MNS1: variants seen among roughly 807,000 people sequenced by gnomAD.
MNS1 encodes the protein meiosis-specific nuclear structural protein 1.
In MNS1, 63 loss-of-function variants were observed where a neutral mutation model predicts 72.0. That is an observed-to-expected ratio of 0.87 (90% CI 0.71 to 1.08). The LOEUF (loss-of-function observed/expected upper bound fraction) is 1.08, where lower values mean the gene tolerates loss of function less well. Ranked by LOEUF, MNS1 falls within the 50% of genes least tolerant of loss-of-function variation. The pLI is 0.00. For missense variants in MNS1, 604 were observed against 562.4 expected, an observed-to-expected ratio of 1.07 and a Z score of -0.75; for synonymous variants, 188 against 172.1, an observed-to-expected ratio of 1.09 and a Z score of -0.72.
intron 4 of MNS1, 88 bp from the exon 5 acceptor site, chr15:56,444,761 A>G: frequency 2.6e-6 from 3 of 1,134,748 alleles, no homozygotes; most frequent in Non-Finnish European, 3.8e-6. Flanking sequence ...TGAATATTAT[A>G]AAGTCTTTTA....
At position 56,443,878 on chromosome 15, in the gene MNS1, A is replaced by T. The variant is rs757859845; in HGVS notation, c.687-24T>A. On this transcript the variant is annotated intron_variant, in intron 5 of 9. Transcript: ENST00000260453. ...CCCTGAAAAGCAATAACAAGTACAG[A>T]TTTATAGTAAACAATAAAATATAAA... 5 of 1,485,404 alleles carry T rather than the reference A, an allele frequency of 3.4e-6. No individual in the cohort carries two copies. The Admixed American group carries it at 1.1e-4, about 32-fold the overall frequency. 92.0% of individuals were successfully genotyped at this position (1,485,404 alleles called of 1,614,324 possible).
chr15:56,430,795 T>G (rs2050569060), intron 9 of MNS1, among the ~76,000 whole-genome samples: 2 of 152,224 alleles, frequency 1.3e-5, no homozygotes, highest in Non-Finnish European at 2.9e-5. Context: ...ATACACATTC[T>G]CATCTTTGGC....
intron 2 of MNS1, among the ~76,000 whole-genome samples, chr15:56,459,848 G>T (rs1428464375): frequency 6.6e-6 from 1 of 150,392 alleles, no homozygotes; most frequent in African/African-American, 2.5e-5. Context: ...GAATTAGCTG[G>T]GTGTGGTGGT....
At chr15:56,453,761 TA>T (rs1458097816) in intron 3 of MNS1, among the ~76,000 whole-genome samples, 19 of 152,320 alleles carry the variant, frequency 1.2e-4, no homozygotes, top group Admixed American at 2.6e-4. Context: ...ATCTTTTAAG[TA>T]CTTTCTTGGA....
At chr15:56,436,314 G>A (rs138111273) in intron 7 of MNS1, among the ~76,000 whole-genome samples, 36 of 152,228 alleles carry the variant, frequency 2.4e-4, no homozygotes, top group African/African-American at 8.4e-4. Context: ...ACTCAAAACC[G>A]CTCAGCTACA....
chr15:56,456,441 A>T lies in MNS1; in HGVS notation c.306T>A (p.His102Gln). ...TCATCTTTTCGTCCTTTAGACTTTC[A>T]TGTTTCAGTTTTGCCAATTCCATAG... ...KLAMELAKLK[H>Q]ESLKDEKMRQ... Residue 102 changes from histidine to glutamine, a missense_variant, in exon 3 of 10, where the codon CAT becomes CAA. Coordinates refer to ENST00000260453, the MANE Select transcript of MNS1 (RefSeq NM_018365.4). The T allele has an allele frequency of 2.5e-6, 4 of 1,611,934 alleles. No individual in the cohort carries two copies. The highest frequency in any genetic ancestry group is 3.4e-6 in the Non-Finnish European group (4 of 1,179,374).
rs144465957 is a variant in MNS1, at chr15:56,456,527, C to G, written c.226-6G>C. 1 of 1,604,670 alleles carries G rather than the reference C, an allele frequency of 6.2e-7. No homozygotes were observed. The highest frequency in any genetic ancestry group is 2.2e-5 in the East Asian group (1 of 44,468). ...AATCTCTTGTTTTCTTCTGCCTGAACGAAAAATTTAACTTCGTTGTTTGTC... is the reference window on the plus strand; with the variant it reads ...AATCTCTTGTTTTCTTCTGCCTGAAGGAAAAATTTAACTTCGTTGTTTGTC... On this transcript the variant is annotated splice_region_variant and splice_polypyrimidine_tract_variant and intron_variant, in intron 2 of 9. Coordinates refer to ENST00000260453, the MANE Select transcript of MNS1 (RefSeq NM_018365.4).
At chr15:56,453,258 T>C (rs984667383) in intron 3 of MNS1, among the ~76,000 whole-genome samples, 1 of 152,210 alleles carries the variant, frequency 6.6e-6, no homozygotes. Context: ...AAATTTACTA[T>C]ACATGTACCT....
rs549395315 is a variant in MNS1, at chr15:56,444,524, C to CTTTTTT, written c.600_605dup (p.Lys201_Lys202dup). On this transcript the variant is annotated inframe_insertion, in exon 5 of 10. Coordinates refer to ENST00000260453, the MANE Select transcript of MNS1 (RefSeq NM_018365.4). ...TTAGCAGCTGCTCATAAGCTTCCTG[C>CTTTTTT]TTTTTTTTTTCTTGTTCTTCAAGTT... 4 of 1,511,608 alleles carry CTTTTTT rather than the reference C, an allele frequency of 2.6e-6. No individual in the cohort carries two copies. Among genetic ancestry groups the CTTTTTT allele is most frequent in the Non-Finnish European group, 1.8e-6 (2 of 1,105,138 alleles). 93.6% of individuals were successfully genotyped at this position (1,511,608 alleles called of 1,614,324 possible).
chr15:56,431,232 G>C (rs185174237), intron 9 of MNS1, 141 bp downstream of exon 9: 7 of 867,640 alleles, frequency 8.1e-6, no homozygotes, highest in Admixed American at 8.0e-5. Flanking sequence ...GAGAGGTTCA[G>C]TGCCTGGACA....
chr15:56,462,881 G>A (rs1239435926), intron 2 of MNS1, among the ~76,000 whole-genome samples: 3 of 151,916 alleles, frequency 2.0e-5, no homozygotes, highest in African/African-American at 4.8e-5. Flanking sequence ...TGATACCTGG[G>A]ATATTCTTTC....
chr15:56,447,224 C>T (rs907635197), intron 3 of MNS1: 4 of 222,526 alleles, frequency 1.8e-5, no homozygotes, highest in Admixed American at 1.0e-4. Context: ...AATTATAATA[C>T]GTCTACATAT....
chr15:56,429,254 T>TA (rs2050484970), intron 9 of MNS1, 61 bp from the exon 10 acceptor site: 1 of 1,069,514 alleles, frequency 9.4e-7, no homozygotes, highest in African/African-American at 1.6e-5. Flanking sequence ...TAAATGCTTT[T>TA]AAGACTGACA....
chr15:56,443,969 CAACA>C, intron 5 of MNS1, 115 bp from the exon 6 acceptor site: 1 of 820,366 alleles, frequency 1.2e-6, no homozygotes, highest in Non-Finnish European at 1.8e-6. Flanking sequence ...TTCGTGCATG[CAACA>C]AACATTTTGA....
intron 8 of MNS1, among the ~76,000 whole-genome samples, chr15:56,432,040 C>G (rs2050611432): frequency 6.6e-6 from 1 of 152,146 alleles, no homozygotes; most frequent in African/African-American, 2.4e-5. Flanking sequence ...GAACAGTAAT[C>G]TACTAAGCCA....
chr15:56,462,969 T>C (rs1319314971), intron 2 of MNS1, among the ~76,000 whole-genome samples: 3 of 151,912 alleles, frequency 2.0e-5, no homozygotes, highest in African/African-American at 7.3e-5. Flanking sequence ...AAAAAAAAAA[T>C]CATATCTAAG....
In MNS1 at chr15:56,444,546, A is replaced by C. The variant is rs574496323; in HGVS notation, c.584T>G (p.Leu195Arg). Residue 195 changes from leucine to arginine, a missense_variant, in exon 5 of 10, where the codon CTT becomes CGT. Transcript: ENST00000260453. Reference sequence around the variant, plus strand: ...CTGCTTTTTTTTTTCTTGTTCTTCAAGTTGTTTCTCTAAGTCAAGATAGTA... The same window carrying C: ...CTGCTTTTTTTTTTCTTGTTCTTCACGTTGTTTCTCTAAGTCAAGATAGTA... Reference protein sequence around the residue: ...AQYYLDLEKQLEEQEKKKQEA... With the variant: ...AQYYLDLEKQREEQEKKKQEA... 2 of 1,612,222 alleles carry C rather than the reference A, an allele frequency of 1.2e-6. No individual in the cohort carries two copies. The highest frequency in any genetic ancestry group is 1.7e-6 in the Non-Finnish European group (2 of 1,179,274).
chr15:56,444,552 TTCTC>T lies in MNS1; in HGVS notation c.574_577del (p.Glu192AsnfsTer18). On this transcript the variant is annotated frameshift_variant, in exon 5 of 10. Transcript: ENST00000260453. LOFTEE classifies it high-confidence loss of function. Reference sequence around the variant, plus strand: ...TTTTTTTTCTTGTTCTTCAAGTTGTTTCTCTAAGTCAAGATAGTACTGTGCTTTC... The same window carrying T: ...TTTTTTTTCTTGTTCTTCAAGTTGTTTAAGTCAAGATAGTACTGTGCTTTC... 1 of 1,613,128 alleles carries T rather than the reference TTCTC, an allele frequency of 6.2e-7. No individual in the cohort carries two copies. Among genetic ancestry groups the T allele is most frequent in the Non-Finnish European group, 8.5e-7 (1 of 1,179,592 alleles).
rs7163155 is a variant in MNS1, at chr15:56,465,091, G to A, written c.-119C>T. ...CTGCGCGCGCTCGGGTGTTTACGCG[G>A]CGTCTTGGCAACGGTGGAGCTGCGC... On this transcript the variant is annotated 5_prime_UTR_variant, in exon 1 of 10. Transcript: ENST00000260453. 2,255 of 1,406,196 alleles carry A rather than the reference G, an allele frequency of 1.6e-3. 27 individuals are homozygous for A. The African/African-American group carries it at 0.027, about 17-fold the overall frequency. The allele number at this position is 1,406,196 out of a possible 1,614,324, so 87.1% of individuals were successfully genotyped here. A position where few individuals can be genotyped will look rare whatever the true frequency, so the allele number is the denominator to read the frequency against.
Sources: allele counts gnomAD v4.1 joint callset (sites outside exome capture counted in the v4.1 genomes callset), GRCh38; gene constraint gnomAD v4.1.1; transcripts MANE v1.5; gene names NCBI Gene and HGNC (gene_info 2026-07-23, HGNC 2026-07-21).